The following PDE1C variants were observed in gnomAD, a reference collection of about 807,000 sequenced individuals.
PDE1C encodes dual specificity calcium/calmodulin-dependent 3',5'-cyclic nucleotide phosphodiesterase 1C.
A neutral mutation model predicts 93.1 loss-of-function variants in PDE1C; 62 were observed. The observed-to-expected ratio is 0.67, with a 90% confidence interval of 0.54 to 0.82. The LOEUF (loss-of-function observed/expected upper bound fraction) is 0.82, where lower values mean the gene tolerates loss of function less well. Among genes scored for constraint, PDE1C ranks in the 40% least tolerant of loss-of-function variants. The pLI is 0.00. For synonymous variants in PDE1C, 325 were observed against 310.1 expected (o/e 1.05, Z -0.50); for missense variants, 742 against 884.6 (o/e 0.84, Z 2.04).
chr7:31,956,633 T>C (rs2129023180), intron 2 of PDE1C, among the ~76,000 whole-genome samples: 1 of 151,768 alleles, frequency 6.6e-6, no homozygotes, highest in East Asian at 1.9e-4. Context: ...AAATTATCCA[T>C]GTCTCCTGCA....
At chr7:31,710,266 G>T in the PDE1C span, among the ~76,000 whole-genome samples, 1 of 152,220 alleles carries the variant, frequency 6.6e-6, no homozygotes. Flanking sequence ...TTGGCCATTT[G>T]TTCATTCTGA....
intron 1 of PDE1C, among the ~76,000 whole-genome samples, chr7:32,327,028 G>A (rs930839120): frequency 2.0e-5 from 3 of 152,120 alleles, no homozygotes; most frequent in African/African-American, 7.2e-5. Context: ...CAAAACACCC[G>A]AGTCATCTTC....
chr7:32,007,960 A>G (rs944793477), intron 2 of PDE1C, among the ~76,000 whole-genome samples: 1 of 152,234 alleles, frequency 6.6e-6, no homozygotes, highest in Non-Finnish European at 1.5e-5. Context: ...AGAACAAAGC[A>G]TTTCAGAGAA....
chr7:32,381,355 C>T (rs1784531142), intron 1 of PDE1C, among the ~76,000 whole-genome samples: 1 of 152,110 alleles, frequency 6.6e-6, no homozygotes, highest in Admixed American at 6.6e-5. Flanking sequence ...TTCATCGCTG[C>T]ACCCTTGGGG....
At position 32,340,678 on chromosome 7, in the gene PDE1C, C is replaced by G. The variant is rs1049403889; in HGVS notation, c.310+87144G>C. Among the ~76,000 whole-genome samples the G allele has an allele frequency of 7.9e-5, 12 of 152,062 alleles. 1 individual carries two copies. The East Asian group carries it at 2.3e-3, about 29-fold the overall frequency. On this transcript the variant is annotated intron_variant, in intron 1 of 1. Transcript: ENST00000672256. ...TTCAGCATTAAAAGAAATAAGCTAC[C>G]AAGCCATGAAAAGACATTGAAGAAA...
chr7:31,825,032 G>C (rs1273269655), intron 12 of PDE1C, 45 bp from the exon 13 acceptor site: 1 of 1,608,160 alleles, frequency 6.2e-7, no homozygotes, highest in South Asian at 1.1e-5. Flanking sequence ...ATATTACCTT[G>C]GGCCTTTCCA....
intron 2 of PDE1C, among the ~76,000 whole-genome samples, chr7:31,980,717 A>G (rs1011177710): frequency 2.6e-5 from 4 of 152,202 alleles, no homozygotes; most frequent in African/African-American, 7.2e-5. Context: ...CAGGGCTACA[A>G]TCAAGATGTC....
chr7:31,995,430 T>C (rs1418953041), intron 2 of PDE1C, among the ~76,000 whole-genome samples: 2 of 152,222 alleles, frequency 1.3e-5, no homozygotes, highest in East Asian at 3.8e-4. Context: ...AGAAGCCCTG[T>C]TTTACAGCAG....
chr7:32,028,700 GT>G (rs764791556), intron 2 of PDE1C, among the ~76,000 whole-genome samples: 1 of 151,770 alleles, frequency 6.6e-6, no homozygotes, highest in Non-Finnish European at 1.5e-5. Context: ...TTTTTTTGTG[GT>G]AAGAACGTTA....
upstream of PDE1C, chr7:32,071,157 C>T: frequency 1.0e-6 from 1 of 985,432 alleles, no homozygotes; most frequent in Non-Finnish European, 1.2e-6. Context: ...GCAGGGCAGC[C>T]GCGGCCACCA....
At chr7:32,165,146 G>A (rs1214296081) in intron 3 of PDE1C, among the ~76,000 whole-genome samples, 1 of 152,296 alleles carries the variant, frequency 6.6e-6, no homozygotes, top group South Asian at 2.1e-4. Flanking sequence ...GTGTCTGCAC[G>A]TGGAGCCACA....
chr7:31,805,240 G>A (rs373796206), intron 16 of PDE1C, among the ~76,000 whole-genome samples: 14 of 151,448 alleles, frequency 9.2e-5, no homozygotes, highest in African/African-American at 2.2e-4. Context: ...CTTTATTAGC[G>A]GCCTGAGGAC....
At position 32,133,751 on chromosome 7, in the gene PDE1C, C is replaced by T. The variant is rs549913921; in HGVS notation, c.308+36034G>A. 3.9e-5 allele frequency among the ~76,000 whole-genome samples: 6 copies of T among 152,186 alleles called. No individual in the cohort carries two copies. In the East Asian group the frequency reaches 5.8e-4, roughly 15 times the overall value. On this transcript the variant is annotated intron_variant, in intron 3 of 18. Coordinates refer to the PDE1C transcript ENST00000396193. Reference sequence around the variant, plus strand: ...AATCTCTGCAATACATTGTTCATAACGTCCAGTATATATATGAGAAACCAG... The same window carrying T: ...AATCTCTGCAATACATTGTTCATAATGTCCAGTATATATATGAGAAACCAG...
intron 16 of PDE1C, chr7:31,784,661 T>G (rs1292301701): frequency 1.3e-5 from 2 of 151,950 alleles, no homozygotes; most frequent in Non-Finnish European, 2.9e-5. Flanking sequence ...AGGGAAGACA[T>G]TTAAATTAGA....
intron 3 of PDE1C, among the ~76,000 whole-genome samples, chr7:32,168,434 C>A (rs1431243433): frequency 6.6e-6 from 1 of 152,108 alleles, no homozygotes; most frequent in East Asian, 1.9e-4. Context: ...TTTGCCTGTT[C>A]ATTGAAGAAA....
chr7:32,070,393 T>TA lies in PDE1C; in HGVS notation c.-1dup. On this transcript the variant is annotated 5_prime_UTR_variant, in exon 1 of 18. Coordinates refer to ENST00000396191, the MANE Select transcript of PDE1C (RefSeq NM_001191057.4). ...TCAATCTCCTTGGTTGGCGACTCCA[T>TA]AGCTGCAGGTAGGTGACCACTGGCG... The TA allele has an allele frequency of 6.2e-7, 1 of 1,614,174 alleles. No individual in the cohort carries two copies.
At chr7:32,301,149 AT>A (rs532970558), upstream of PDE1C, among the ~76,000 whole-genome samples, 1 of 152,016 alleles carries the variant, frequency 6.6e-6, no homozygotes, top group Non-Finnish European at 1.5e-5. Context: ...AATATTATGT[AT>A]TTTTTAATAT....
chr7:31,978,696 C>T (rs1024121493), intron 2 of PDE1C, among the ~76,000 whole-genome samples: 1 of 152,130 alleles, frequency 6.6e-6, no homozygotes, highest in Non-Finnish European at 1.5e-5. Context: ...TAACCATTAA[C>T]CTGATGCCAG....
chr7:31,764,250 T>G (rs1795005851), intron 17 of PDE1C, among the ~76,000 whole-genome samples: 1 of 152,128 alleles, frequency 6.6e-6, no homozygotes, highest in African/African-American at 2.4e-5. Flanking sequence ...GTTTAAGTGA[T>G]TCTCCTGCCT....
Sources: allele counts gnomAD v4.1 joint callset (sites outside exome capture counted in the v4.1 genomes callset), GRCh38; gene constraint gnomAD v4.1.1; transcripts MANE v1.5; gene names NCBI Gene and HGNC (gene_info 2026-07-23, HGNC 2026-07-21).